The following BBS2 variants were observed in gnomAD, a reference collection of about 807,000 sequenced individuals.
BBS2 encodes Bardet-Biedl syndrome 2.
Under a neutral mutation model 83.0 loss-of-function variants are expected in BBS2, and 62 were observed. The ratio of observed to expected loss-of-function variants is 0.75; its 90% confidence interval spans 0.61 to 0.92. The LOEUF (loss-of-function observed/expected upper bound fraction) is 0.92, where lower values mean the gene tolerates loss of function less well. Among genes scored for constraint, BBS2 ranks in the 40% least tolerant of loss-of-function variants. The pLI is 0.00. For synonymous variants in BBS2, 303 were observed against 326.1 expected, an observed-to-expected ratio of 0.93 and a Z score of 0.76; for missense variants, 784 against 901.0, an observed-to-expected ratio of 0.87 and a Z score of 1.66.
intron 15 of BBS2, among the ~76,000 whole-genome samples, chr16:56,490,767 AT>A (rs201601200): frequency 1.4e-4 from 20 of 147,426 alleles, no homozygotes; most frequent in Middle Eastern, 3.5e-3. Context: ...GTAAAGCAAA[AT>A]TTTTTTTTTT....
chr16:56,501,585 A>T (rs1260371182), intron 9 of BBS2, 88 bp from the exon 10 acceptor site: 3 of 1,525,738 alleles, frequency 2.0e-6, no homozygotes, highest in Non-Finnish European at 2.7e-6. Context: ...CAGCTTCAAA[A>T]GACAGAGCCT....
intron 15 of BBS2, among the ~76,000 whole-genome samples, chr16:56,493,450 C>CT (rs1159076453): frequency 1.4e-5 from 2 of 143,236 alleles, no homozygotes; most frequent in African/African-American, 5.1e-5. Context: ...ATGACTTAAT[C>CT]TAAGACATGA....
chr16:56,511,282 T>C lies in BBS2; in HGVS notation c.348A>G (p.Val116=). 1.2e-6 allele frequency: 2 copies of C among 1,613,948 alleles called. No homozygotes were observed. The highest frequency in any genetic ancestry group is 4.5e-5 in the East Asian group (2 of 44,874). ...GCACAATTGCATTTGCCCCATCTGC[T>C]ACCTAAGAAAAGTAAAAGGACACAT... ...YNNSDLFYRE[V]ADGANAIVLG... is the part of the protein sequence containing the mutation. Residue 116 remains valine (V), a splice_region_variant and synonymous_variant, in exon 3 of 17, where the codon GTA becomes GTG. Coordinates refer to ENST00000245157, the MANE Select transcript of BBS2 (RefSeq NM_031885.5).
chr16:56,497,836 G>A lies in BBS2; in HGVS notation c.1704C>T (p.Ile568=), dbSNP rs765729433. 1 of 1,612,448 alleles carries A rather than the reference G, an allele frequency of 6.2e-7. No homozygotes were observed. The highest frequency in any genetic ancestry group is 8.5e-7 in the Non-Finnish European group (1 of 1,179,824). ...TDDIDLAGDI[I]QSMASFFAIE... Reference sequence around the variant, plus strand: ...TAGCAAAAAATGATGCCATTGACTGGATGATATCACCAGCCAAATCAATAT... The same window carrying A: ...TAGCAAAAAATGATGCCATTGACTGAATGATATCACCAGCCAAATCAATAT... Residue 568 remains isoleucine (I), a synonymous_variant, in exon 14 of 17, where the codon ATC becomes ATT. Transcript: ENST00000245157.
chr16:56,502,355 G>T lies in BBS2; in HGVS notation c.1042C>A (p.Leu348Met), dbSNP rs1407743093. The change falls in exon 9 of 17, where the codon CTG becomes ATG. Residue 348 changes from leucine to methionine, a missense_variant. Coordinates refer to ENST00000245157, the MANE Select transcript of BBS2 (RefSeq NM_031885.5). Reference protein sequence around the residue: ...IRELSQKKQNLLLELRNYEEN... With the variant: ...IRELSQKKQNMLLELRNYEEN... The stretch of plus-strand genomic sequence containing the variant: ...TCATAGTTACGGAGTTCCAGCAACA[G>T]ATTCTGCTTCTTCTGACTCAGCTCT... 1 of 1,614,204 alleles carries T rather than the reference G, an allele frequency of 6.2e-7. No homozygotes were observed. The highest frequency in any genetic ancestry group is 8.5e-7 in the Non-Finnish European group (1 of 1,180,056).
Position 56,500,029 on chromosome 16 carries a change from A to T in BBS2, c.1398-122T>A, listed in dbSNP as rs934278882. 6.6e-6 allele frequency: 8 copies of T among 1,205,040 alleles called. No individual in the cohort carries two copies. In the African/African-American group the frequency reaches 1.2e-4, roughly 18 times the overall value. 74.6% of individuals were successfully genotyped at this position (1,205,040 alleles called of 1,614,324 possible). On this transcript the variant is annotated intron_variant, in intron 11 of 16. Transcript: ENST00000245157. ...TTGATATTTAAGGGTTTCACTTAAG[A>T]AGGAACCCCCAAAACACTTGAGGGT...
chr16:56,517,705 T>A (rs955791368), intron 1 of BBS2, among the ~76,000 whole-genome samples: 9 of 152,170 alleles, frequency 5.9e-5, no homozygotes, highest in African/African-American at 2.2e-4. Context: ...CAGCACATAG[T>A]AAGCCCTCAA....
chr16:56,507,363 A>T (rs150915989), intron 5 of BBS2, among the ~76,000 whole-genome samples: 5 of 152,164 alleles, frequency 3.3e-5, no homozygotes, highest in African/African-American at 4.8e-5. Context: ...CAAATCCCTA[A>T]CTCTATTCCA....
intron 15 of BBS2, among the ~76,000 whole-genome samples, chr16:56,490,430 G>C (rs1963919029): frequency 6.6e-6 from 1 of 151,996 alleles, no homozygotes; most frequent in Non-Finnish European, 1.5e-5. Context: ...GGCCAAGGCG[G>C]GCAGATCACC....
intron 9 of BBS2, 35 bp downstream of exon 9, chr16:56,502,282 C>T (rs779157594): frequency 1.9e-6 from 3 of 1,613,994 alleles, no homozygotes; most frequent in Admixed American, 3.3e-5. Flanking sequence ...ACATTTCAGC[C>T]TCCATTACCT....
At chr16:56,510,993 A>C (rs2144180703) in intron 3 of BBS2, 72 bp from the exon 4 acceptor site, 2 of 1,580,822 alleles carry the variant, frequency 1.3e-6, no homozygotes, top group East Asian at 4.5e-5. Flanking sequence ...AGCTACATGA[A>C]GGAGAGGATT....
At chr16:56,514,751 G>C in intron 1 of BBS2, 71 bp from the exon 2 acceptor site, 2 of 1,221,022 alleles carry the variant, frequency 1.6e-6, no homozygotes, top group Middle Eastern at 2.6e-4. Flanking sequence ...TTTTAAAAAA[G>C]AACCAGGTTA....
chr16:56,506,217 G>A lies in BBS2; in HGVS notation c.620C>T (p.Thr207Ile), dbSNP rs1964419379. 3 of 1,612,474 alleles carry A rather than the reference G, an allele frequency of 1.9e-6. No individual in the cohort carries two copies. Among genetic ancestry groups the A allele is most frequent in the African/African-American group, 2.7e-5 (2 of 74,864 alleles). Residue 207 changes from threonine (T) to isoleucine (I), a missense_variant, in exon 6 of 17, where the codon ACC (threonine) becomes ATC (isoleucine). Physicochemically the swap from Thr to Ile is moderately conservative, Grantham distance 89. Coordinates refer to ENST00000245157, the MANE Select transcript of BBS2 (RefSeq NM_031885.5). ...VAEMTETEIV[T>I]SLCPMYGSRF... ...ACTGCCATACATGGGACAAAGAGAG[G>A]TGACTATCTGCAAAACAATCCACAA...
chr16:56,484,836 A>C lies in BBS2; in HGVS notation c.2091T>G (p.Ala697=), dbSNP rs1412519720. ...TATTGCTTCGAATTGCATCCCGACA[A>C]GCAGTGATCACCTGGTTCTTTGGTT... The part of the protein sequence containing the change: ...VGKPKNQVIT[A]CRDAIRSNNI... The change falls in exon 17 of 17, where the codon GCT becomes GCG. Residue 697 remains alanine (A), a synonymous_variant. Transcript: ENST00000245157. 6.2e-7 allele frequency: 1 copy of C among 1,614,096 alleles called. No homozygotes were observed. The highest frequency in any genetic ancestry group is 8.5e-7 in the Non-Finnish European group (1 of 1,179,950).
At chr16:56,480,263 G>A (rs1322310640), downstream of BBS2, among the ~76,000 whole-genome samples, 9 of 148,244 alleles carry the variant, frequency 6.1e-5, no homozygotes, top group African/African-American at 2.3e-4. Context: ...GTTTTGAACT[G>A]GGCTTGTCTA....
chr16:56,484,172 A>G (rs1399377771), downstream of BBS2, among the ~76,000 whole-genome samples: 2 of 151,446 alleles, frequency 1.3e-5, no homozygotes, highest in Non-Finnish European at 2.9e-5. Context: ...ATGCCCAGCT[A>G]ATTTTTTGTG....
chr16:56,504,419 G>T (rs1258469289), intron 7 of BBS2, among the ~76,000 whole-genome samples: 7 of 152,134 alleles, frequency 4.6e-5, no homozygotes, highest in African/African-American at 7.2e-5. Flanking sequence ...TAATCCAACT[G>T]GGAGGTTTTA....
At chr16:56,498,801 ACATT>A in intron 12 of BBS2, 1 of 1,159,132 alleles carries the variant, frequency 8.6e-7, no homozygotes, top group South Asian at 1.4e-5. Flanking sequence ...CTCTTAAGTA[ACATT>A]CATAATTATG....
At chr16:56,514,079 C>T (rs372028939) in intron 2 of BBS2, among the ~76,000 whole-genome samples, 1 of 152,142 alleles carries the variant, frequency 6.6e-6, no homozygotes, top group African/African-American at 2.4e-5. Flanking sequence ...GTTGCAGCAG[C>T]CTGTAGGTGG....
Sources: allele counts gnomAD v4.1 joint callset (sites outside exome capture counted in the v4.1 genomes callset), GRCh38; gene constraint gnomAD v4.1.1; transcripts MANE v1.5; gene names NCBI Gene and HGNC (gene_info 2026-07-23, HGNC 2026-07-21).